Variants in PPARGC1B observed in about 807,000 individuals in gnomAD.
PPARGC1B encodes PPARG coactivator 1 beta, also known as peroxisome proliferator-activated receptor gamma coactivator 1-beta.
Under a neutral mutation model 101.6 loss-of-function variants are expected in PPARGC1B, and 34 were observed. The observed-to-expected ratio is 0.33, with a 90% CI of 0.25 to 0.45. PPARGC1B has a LOEUF of 0.45. Ranked by LOEUF, PPARGC1B falls within the 20% of genes least tolerant of loss-of-function variation. The probability of loss-of-function intolerance (pLI) is 1.00; values close to 1 mark genes in which losing one functional copy is unlikely to be tolerated. For synonymous variants in PPARGC1B, 548 were observed against 539.3 expected (o/e 1.02, Z -0.22); for missense variants, 1,234 against 1,317.6 (o/e 0.94, Z 0.98).
intron 10 of PPARGC1B, among the ~76,000 whole-genome samples, chr5:149,842,898 C>T (rs918557356): frequency 5.3e-5 from 8 of 152,170 alleles, no homozygotes; most frequent in African/African-American, 1.7e-4. Context: ...TTGGGTATGG[C>T]GGCTCACACT....
At chr5:149,778,320 C>T (rs971359517) in intron 1 of PPARGC1B, among the ~76,000 whole-genome samples, 3 of 151,944 alleles carry the variant, frequency 2.0e-5, no homozygotes, top group African/African-American at 7.3e-5. Context: ...GTCTCTTACC[C>T]GCCAGTCTGC....
chr5:149,828,043 C>T (rs902387636), intron 3 of PPARGC1B, among the ~76,000 whole-genome samples: 4 of 152,210 alleles, frequency 2.6e-5, no homozygotes, highest in Non-Finnish European at 5.9e-5. Context: ...TCAAGCCCAG[C>T]TCTGGAAAAA....
intron 3 of PPARGC1B, among the ~76,000 whole-genome samples, chr5:149,830,030 CAAAAAAAAAAAAAAAAAAAAAAAAG>C (rs1324212795): frequency 7.0e-4 from 24 of 34,266 alleles, no homozygotes; most frequent in African/African-American, 1.7e-3. Flanking sequence ...GACTGCATCT[CAAAAAAAAAAAAAAAAAAAAAAAAG>C]AAAAAAAAAA....
chr5:149,813,159 G>A (rs1246904645), intron 1 of PPARGC1B, among the ~76,000 whole-genome samples: 1 of 152,178 alleles, frequency 6.6e-6, no homozygotes, highest in African/African-American at 2.4e-5. Flanking sequence ...TATCGCCATG[G>A]AAAGAGGGAA....
At chr5:149,740,951 C>T (rs1754883342) in intron 1 of PPARGC1B, among the ~76,000 whole-genome samples, 2 of 152,194 alleles carry the variant, frequency 1.3e-5, no homozygotes, top group South Asian at 2.1e-4. Context: ...AATGCCCTTA[C>T]CTTGAAGGAA....
intron 1 of PPARGC1B, among the ~76,000 whole-genome samples, chr5:149,800,235 A>G (rs899844070): frequency 7.2e-5 from 11 of 152,196 alleles, no homozygotes; most frequent in Non-Finnish European, 1.0e-4. Context: ...AAACAGGATC[A>G]TGTAACGTTA....
intron 10 of PPARGC1B, 42 bp from the exon 11 acceptor site, chr5:149,845,718 C>T (rs2113449568): frequency 6.4e-7 from 1 of 1,554,236 alleles, no homozygotes; most frequent in South Asian, 1.2e-5. Flanking sequence ...AGTGTCCACC[C>T]AGCCAGCCCA....
intron 1 of PPARGC1B, among the ~76,000 whole-genome samples, chr5:149,799,443 T>C (rs1467944270): frequency 1.3e-5 from 2 of 152,168 alleles, no homozygotes; most frequent in Admixed American, 6.6e-5. Flanking sequence ...TAGTTATTCA[T>C]TCACCAGGGC....
intron 1 of PPARGC1B, chr5:149,740,211 GC>G (rs949100137): frequency 3.9e-5 from 6 of 152,250 alleles, no homozygotes; most frequent in African/African-American, 1.4e-4. Context: ...CTTGGGCAAA[GC>G]CCTGGGAGCT....
Position 149,837,028 on chromosome 5 carries a change from C to G in PPARGC1B, c.2573C>G (p.Ser858Cys), listed in dbSNP as rs775664584. The G allele has an allele frequency of 1.9e-6, 3 of 1,613,622 alleles. No homozygotes were observed. Among genetic ancestry groups the G allele is most frequent in the Non-Finnish European group, 2.5e-6 (3 of 1,179,952 alleles). Residue 858 changes from serine (S) to cysteine (C), a missense_variant, in exon 8 of 12, where the codon TCT becomes TGT. Coordinates refer to ENST00000309241, the MANE Select transcript of PPARGC1B (RefSeq NM_133263.4). This position sits in a 1 kb window ranked among gnomAD's most constrained non-coding sequence, Gnocchi z 4.2. ...LCSRSRSSSG[S>C]SPCHSWSPAT... The stretch of plus-strand genomic sequence containing the variant: ...TCCCGCAGCCGCTCAAGCTCTGGCT[C>G]TTCACCCTGCCACTCCTGGTCACCA...
At chr5:149,820,181 T>C (rs546078941) in intron 1 of PPARGC1B, among the ~76,000 whole-genome samples, 1 of 152,296 alleles carries the variant, frequency 6.6e-6, no homozygotes, top group African/African-American at 2.4e-5. Flanking sequence ...CAGAGATGTA[T>C]GTGGGCAGGG....
At chr5:149,782,030 G>A (rs1756619563) in intron 1 of PPARGC1B, among the ~76,000 whole-genome samples, 1 of 152,022 alleles carries the variant, frequency 6.6e-6, no homozygotes, top group Admixed American at 6.6e-5. Context: ...ACAGCTGTGA[G>A]CTAAATTAAT....
At chr5:149,826,532 C>T in intron 2 of PPARGC1B, 141 bp from the exon 3 acceptor site, 2 of 664,416 alleles carry the variant, frequency 3.0e-6, no homozygotes, top group African/African-American at 1.8e-5. Flanking sequence ...GCTGGGTGGG[C>T]AGAGGGGAGG....
chr5:149,812,225 T>C (rs959840300), intron 1 of PPARGC1B, among the ~76,000 whole-genome samples: 11 of 152,144 alleles, frequency 7.2e-5, no homozygotes, highest in Non-Finnish European at 1.5e-4. Context: ...GTTTAAGATG[T>C]TCTGTTCTTC....
chr5:149,790,908 G>A (rs1430523902), intron 1 of PPARGC1B, among the ~76,000 whole-genome samples: 1 of 152,120 alleles, frequency 6.6e-6, no homozygotes, highest in Non-Finnish European at 1.5e-5. Flanking sequence ...GATCTCTGGG[G>A]TAGGGCCCAG....
chr5:149,843,935 A>G (rs960705185), intron 10 of PPARGC1B, among the ~76,000 whole-genome samples: 9 of 152,244 alleles, frequency 5.9e-5, no homozygotes, highest in Admixed American at 3.3e-4. Flanking sequence ...TGCTATGTCT[A>G]AAGTAGTCTA....
At chr5:149,787,303 C>T (rs944128251) in intron 1 of PPARGC1B, among the ~76,000 whole-genome samples, 5 of 152,182 alleles carry the variant, frequency 3.3e-5, no homozygotes, top group African/African-American at 1.2e-4. Flanking sequence ...CATGGGCCCA[C>T]CCCTGGGCAA....
intron 1 of PPARGC1B, among the ~76,000 whole-genome samples, chr5:149,783,858 TCTTTATACCC>T (rs763115933): frequency 2.2e-4 from 33 of 152,260 alleles, no homozygotes; most frequent in Middle Eastern, 3.4e-3. Flanking sequence ...GCAATAACCA[TCTTTATACCC>T]CTTTATACCC....
intron 11 of PPARGC1B, 182 bp from the exon 12 acceptor site, chr5:149,847,276 C>A: frequency 1.4e-6 from 1 of 730,862 alleles, no homozygotes; most frequent in South Asian, 1.4e-5. Flanking sequence ...ATACCATGGC[C>A]AAGATGTCCC....
Sources: allele counts gnomAD v4.1 joint callset (sites outside exome capture counted in the v4.1 genomes callset), GRCh38; gene constraint gnomAD v4.1.1; non-coding constraint Gnocchi (gnomAD v3.1); transcripts MANE v1.5; gene names NCBI Gene and HGNC (gene_info 2026-07-23, HGNC 2026-07-21).